Variants in FHIT observed in about 807,000 individuals in gnomAD.
FHIT encodes the protein bis(5'-adenosyl)-triphosphatase.
Under a neutral mutation model 17.9 loss-of-function variants are expected in FHIT, and 19 were observed. The observed-to-expected ratio is 1.06, with a 90% CI of 0.74 to 1.56. The LOEUF (loss-of-function observed/expected upper bound fraction) is 1.56. Ranked by LOEUF, FHIT falls within the 40% of genes most tolerant of loss-of-function variation. The pLI, the probability that FHIT is intolerant of heterozygous loss-of-function variation, is 0.00. For missense variants in FHIT, 248 were observed against 189.2 expected (o/e 1.31, Z -1.82); for synonymous variants, 81 against 69.7 (o/e 1.16, Z -0.81).
At chr3:61,075,461 C>G (rs952852640) in intron 2 of FHIT, among the ~76,000 whole-genome samples, 41 of 151,926 alleles carry the variant, frequency 2.7e-4, no homozygotes, top group African/African-American at 9.9e-4. Context: ...ATCATTAGCA[C>G]CCAACAAGTC....
At chr3:60,144,121 A>G (rs17062353) in intron 5 of FHIT, among the ~76,000 whole-genome samples, 33,033 of 152,122 alleles carry the variant, frequency 0.22, 3,810 homozygotes, top group Middle Eastern at 0.33. Flanking sequence ...GTCCCACAGG[A>G]TTTGTGTTGA....
rs79016135 is a variant in FHIT at position 59,867,553 on chromosome 3, A to G, written c.348+54793T>C. Among the ~76,000 whole-genome samples the G allele has an allele frequency of 1.7e-3, 265 of 152,034 alleles. 1 individual carries two copies. Among genetic ancestry groups the G allele is most frequent in the African/African-American group, 5.9e-3 (243 of 41,484 alleles). On this transcript the variant is annotated intron_variant, in intron 8 of 9. Coordinates refer to ENST00000492590, the MANE Select transcript of FHIT (RefSeq NM_002012.4). ...ATGATGACTTCACTTGCATTTATGCATTTTGCTTTATTTTGTGATTACTTT... is the reference window on the plus strand; with the variant it reads ...ATGATGACTTCACTTGCATTTATGCGTTTTGCTTTATTTTGTGATTACTTT...
Position 60,103,050 on chromosome 3 carries a change from C to T in FHIT, c.104-88898G>A, listed in dbSNP as rs899431055. On this transcript the variant is annotated intron_variant, in intron 5 of 9. Transcript: ENST00000492590. The stretch of plus-strand genomic sequence containing the variant: ...GTATAGAAATTATGAAGCTTAAGAC[C>T]CCATTGCTTCTTTTTAATAAAAGCT... 8.5e-5 allele frequency among the ~76,000 whole-genome samples: 13 copies of T among 152,048 alleles called. No individual in the cohort carries two copies. The East Asian group carries it at 2.1e-3, about 25-fold the overall frequency.
intron 2 of FHIT, among the ~76,000 whole-genome samples, chr3:61,187,994 T>G (rs1398362407): frequency 6.6e-6 from 1 of 152,048 alleles, no homozygotes; most frequent in Non-Finnish European, 1.5e-5. Flanking sequence ...GATCTAAAAT[T>G]GACACCCTAA....
chr3:60,719,592 T>G (rs1553707574), intron 4 of FHIT, among the ~76,000 whole-genome samples: 1 of 152,196 alleles, frequency 6.6e-6, no homozygotes, highest in East Asian at 1.9e-4. Flanking sequence ...GTCCATGAAC[T>G]GGCAGCGTCA....
In FHIT at chr3:60,163,567, C is replaced by T. The variant is rs562368170; in HGVS notation, c.104-149415G>A. Among the ~76,000 whole-genome samples, 4 of 152,278 alleles carry T rather than the reference C, an allele frequency of 2.6e-5. No individual in the cohort carries two copies. In the South Asian group the frequency reaches 8.3e-4, roughly 32 times the overall value. On this transcript the variant is annotated intron_variant, in intron 5 of 9. Transcript: ENST00000492590. ...GAAAACTGTTCCCTACCCATCTCTGCCACCTTGCTGACTCCTGCTCACCCT... is the reference window on the plus strand; with the variant it reads ...GAAAACTGTTCCCTACCCATCTCTGTCACCTTGCTGACTCCTGCTCACCCT...
At chr3:60,183,401 CAAA>C (rs1362905856) in intron 5 of FHIT, among the ~76,000 whole-genome samples, 2 of 151,944 alleles carry the variant, frequency 1.3e-5, no homozygotes, top group Non-Finnish European at 1.5e-5. Flanking sequence ...CTGTCTCAAA[CAAA>C]GAAACAAATA....
rs181531581 is a variant in FHIT at position 60,929,378 on chromosome 3, A to G, written c.-110-107367T>C. Among the ~76,000 whole-genome samples, 31 of 152,302 alleles carry G rather than the reference A, an allele frequency of 2.0e-4. No homozygotes were observed. In the East Asian group the frequency reaches 6.0e-3, roughly 29 times the overall value. On this transcript the variant is annotated intron_variant, in intron 3 of 9. Transcript: ENST00000492590. ...TATGGCCAGGGCAATTAGGCAGGAG[A>G]AGGAAGTAAAGGGCATTCAATTAGG...
intron 5 of FHIT, among the ~76,000 whole-genome samples, chr3:60,288,565 CAG>C (rs1707834880): frequency 8.3e-6 from 1 of 120,464 alleles, no homozygotes; most frequent in Admixed American, 8.2e-5. Context: ...GGTTCTGGCA[CAG>C]TGTGTGTGTG....
At chr3:61,004,630 A>G (rs761048808) in intron 3 of FHIT, among the ~76,000 whole-genome samples, 5 of 152,128 alleles carry the variant, frequency 3.3e-5, no homozygotes, top group Non-Finnish European at 5.9e-5. Flanking sequence ...AGCCAGCTCA[A>G]AGGGACCCCA....
chr3:60,566,181 G>C lies in FHIT; in HGVS notation c.-17-29202C>G, dbSNP rs141051441. 1.4e-3 allele frequency among the ~76,000 whole-genome samples: 207 copies of C among 152,202 alleles called. No homozygotes were observed. In the South Asian group the frequency reaches 0.022, roughly 16 times the overall value. ...TGAGGAGTGCTTTACTTCCAACTAA[G>C]TGGTCAATTTTGGAATCAGTGCGGT... is the stretch of plus-strand genomic sequence containing the variant. On this transcript the variant is annotated intron_variant, in intron 4 of 9. Transcript: ENST00000492590.
intron 8 of FHIT, among the ~76,000 whole-genome samples, chr3:59,884,303 T>C (rs1703528954): frequency 6.6e-6 from 1 of 152,194 alleles, no homozygotes; most frequent in Non-Finnish European, 1.5e-5. Context: ...ATCAGTAAAA[T>C]TTATAATAAG....
rs1330424298 is a variant in FHIT at position 60,362,952 on chromosome 3, A to G, written c.103+173908T>C. ...GCAGAGAACTTCAGAAGGTATCCCC[A>G]GCCTTTTGGAAATGTCCTTTAATTT... On this transcript the variant is annotated intron_variant, in intron 5 of 9. Coordinates refer to ENST00000492590, the MANE Select transcript of FHIT (RefSeq NM_002012.4). Among the ~76,000 whole-genome samples, 5 of 152,198 alleles carry G rather than the reference A, an allele frequency of 3.3e-5. No individual in the cohort carries two copies. In the East Asian group the frequency reaches 9.6e-4, roughly 29 times the overall value.
intron 8 of FHIT, among the ~76,000 whole-genome samples, chr3:59,898,707 C>T (rs992700499): frequency 1.1e-4 from 17 of 151,908 alleles, no homozygotes; most frequent in African/African-American, 4.1e-4. Flanking sequence ...CTTTCTCCTG[C>T]AGCCATGTGA....
At chr3:60,594,754 A>G (rs2038203734) in intron 4 of FHIT, among the ~76,000 whole-genome samples, 1 of 151,946 alleles carries the variant, frequency 6.6e-6, no homozygotes, top group Non-Finnish European at 1.5e-5. Flanking sequence ...TCTCATTTGC[A>G]TTGCTTTTTC....
intron 5 of FHIT, among the ~76,000 whole-genome samples, chr3:60,521,964 C>T (rs2107567015): frequency 6.6e-6 from 1 of 152,166 alleles, no homozygotes; most frequent in African/African-American, 2.4e-5. Context: ...CAGGGAAGGC[C>T]TCTGTGTGTA....
At chr3:59,848,888 C>G (rs1335973873) in intron 8 of FHIT, among the ~76,000 whole-genome samples, 1 of 152,220 alleles carries the variant, frequency 6.6e-6, no homozygotes, top group South Asian at 2.1e-4. Flanking sequence ...ATCCTTCACT[C>G]TTGAGTATTC....
At chr3:60,811,079 T>G (rs1701557431) in intron 4 of FHIT, among the ~76,000 whole-genome samples, 1 of 152,198 alleles carries the variant, frequency 6.6e-6, no homozygotes, top group African/African-American at 2.4e-5. Context: ...ATCTGCTTTG[T>G]ATGAACAAGA....
At chr3:60,470,058 T>TTCTTTC (rs1323971036) in intron 5 of FHIT, among the ~76,000 whole-genome samples, 2 of 142,942 alleles carry the variant, frequency 1.4e-5, no homozygotes, top group African/African-American at 5.4e-5. Context: ...CTCTCTTTCT[T>TTCTTTC]TCTCTCTCTC....
Sources: allele counts gnomAD v4.1 joint callset (sites outside exome capture counted in the v4.1 genomes callset), GRCh38; gene constraint gnomAD v4.1.1; transcripts MANE v1.5; gene names NCBI Gene and HGNC (gene_info 2026-07-23, HGNC 2026-07-21).